The following TRRAP variants were observed in gnomAD, a reference collection of about 807,000 sequenced individuals.
The protein encoded by TRRAP is transformation/transcription domain associated protein, also known as transformation/transcription domain-associated protein.
Under a neutral mutation model 438.8 loss-of-function variants are expected in TRRAP, and 41 were observed. The ratio of observed to expected loss-of-function variants is 0.09; its 90% CI spans 0.07 to 0.12. The LOEUF is 0.12. Among genes scored for constraint, TRRAP ranks in the 10% least tolerant of loss-of-function variants. TRRAP has a pLI of 1.00. For synonymous variants in TRRAP, 1,994 were observed against 1,962.9 expected, an observed-to-expected ratio of 1.02 and a Z score of -0.42; for missense variants, 3,122 against 5,055.1, an observed-to-expected ratio of 0.62 and a Z score of 11.60.
chr7:98,910,298 AGAAAAG>A lies in TRRAP; in HGVS notation c.1596_1601del (p.Glu532_Lys533del). The A allele has an allele frequency of 6.2e-7, 1 of 1,606,860 alleles. No homozygotes were observed. The highest frequency in any genetic ancestry group is 8.5e-7 in the Non-Finnish European group (1 of 1,179,518). ...CCGTGCCTCCCTTCGAGAAGCAAGGAGAAAAGGACAAGGAAGACAAGCAGACATTCC... is the reference window on the plus strand; with the variant it reads ...CCGTGCCTCCCTTCGAGAAGCAAGGAGACAAGGAAGACAAGCAGACATTCC... On this transcript the variant is annotated inframe_deletion, in exon 15 of 73. Coordinates refer to ENST00000456197, the MANE Select transcript of TRRAP (RefSeq NM_001375524.1).
At chr7:98,953,524 G>A in intron 40 of TRRAP, 91 bp downstream of exon 40, 1 of 1,536,464 alleles carries the variant, frequency 6.5e-7, no homozygotes, top group Non-Finnish European at 8.7e-7. Context: ...CTCTCCTGTT[G>A]TCTTCTCCCA....
intron 18 of TRRAP, 24 bp downstream of exon 18, chr7:98,912,237 G>C: frequency 4.4e-6 from 7 of 1,608,314 alleles, no homozygotes; most frequent in Non-Finnish European, 6.0e-6. Flanking sequence ...AATCTAAGTA[G>C]TGCTTCTGTT....
chr7:98,883,591 A>G (rs2116240586), intron 3 of TRRAP, among the ~76,000 whole-genome samples: 1 of 152,218 alleles, frequency 6.6e-6, no homozygotes, highest in Admixed American at 6.5e-5. Context: ...TTCAGCTCAC[A>G]GCATCCTCAA....
rs1194220229 is a variant in TRRAP at position 98,943,074 on chromosome 7, A to G, written c.4473+57A>G. ...CCAGCCGCCATGCTGGGTCAGTGCT[A>G]ATGCCGGGACAGTGCTTTCATTAAA... On this transcript the variant is annotated intron_variant, in intron 31 of 72. Coordinates refer to ENST00000456197, the MANE Select transcript of TRRAP (RefSeq NM_001375524.1). 32 of 1,586,512 alleles carry G rather than the reference A, an allele frequency of 2.0e-5. No individual in the cohort carries two copies. In the Middle Eastern group the frequency reaches 5.1e-4, roughly 25 times the overall value.
At chr7:98,900,061 G>T (rs1439802922) in intron 10 of TRRAP, among the ~76,000 whole-genome samples, 1 of 152,106 alleles carries the variant, frequency 6.6e-6, no homozygotes, top group Non-Finnish European at 1.5e-5. Context: ...TCACCTTCAA[G>T]ACTTTGTTCT....
At chr7:98,885,815 A>T (rs1207263876) in intron 3 of TRRAP, among the ~76,000 whole-genome samples, 3 of 152,246 alleles carry the variant, frequency 2.0e-5, no homozygotes, top group African/African-American at 7.2e-5. Flanking sequence ...AACCTGCAGG[A>T]ACAAGCCAGT....
Position 98,992,247 on chromosome 7 carries a change from G to T in TRRAP, c.9847+20G>T, listed in dbSNP as rs376505573. The T allele has an allele frequency of 3.1e-5, 50 of 1,612,932 alleles. No individual in the cohort carries two copies. In the African/African-American group the frequency reaches 5.5e-4, roughly 18 times the overall value. ...AGAGCGGTACGTCTCGGGTGGGGCCGGTAGGCCAGGCCGGGAAGGGCTCAT... is the reference window on the plus strand; with the variant it reads ...AGAGCGGTACGTCTCGGGTGGGGCCTGTAGGCCAGGCCGGGAAGGGCTCAT... On this transcript the variant is annotated intron_variant, in intron 65 of 72. Transcript: ENST00000456197.
intron 31 of TRRAP, among the ~76,000 whole-genome samples, 171 bp downstream of exon 31, chr7:98,943,188 C>T (rs1445679882): frequency 1.3e-5 from 2 of 152,214 alleles, no homozygotes; most frequent in African/African-American, 4.8e-5. Flanking sequence ...CCTATCTTTT[C>T]TCTTAATTGC....
chr7:99,003,352 T>C (rs1390743515), intron 67 of TRRAP, among the ~76,000 whole-genome samples: 1 of 152,264 alleles, frequency 6.6e-6, no homozygotes, highest in Non-Finnish European at 1.5e-5. Flanking sequence ...TTCTCATGGC[T>C]CATTTAGGAT....
At chr7:98,984,424 T>C (rs1793063757) in intron 61 of TRRAP, 66 bp downstream of exon 61, 5 of 1,474,040 alleles carry the variant, frequency 3.4e-6, no homozygotes, top group Non-Finnish European at 4.5e-6. Flanking sequence ...AATGAGGCAA[T>C]GTGGGGTCTC....
intron 53 of TRRAP, among the ~76,000 whole-genome samples, chr7:98,972,734 G>A (rs1026221430): frequency 6.6e-6 from 1 of 152,174 alleles, no homozygotes; most frequent in Non-Finnish European, 1.5e-5. Flanking sequence ...TGATTATTCT[G>A]TTCATATCAG....
rs1194181069 is a variant in TRRAP, at chr7:98,948,618, C to T, written c.4721C>T (p.Ser1574Leu). Residue 1574 changes from serine to leucine, a missense_variant, in exon 35 of 73, where the codon TCG (serine) becomes TTG (leucine). By Grantham distance (145) the Ser-to-Leu change is moderately radical. This residue lies in a region of TRRAP where 108 missense variants were observed against 256.9 expected (regional missense o/e 0.42). Coordinates refer to ENST00000456197, the MANE Select transcript of TRRAP (RefSeq NM_001375524.1). The surrounding 1 kb of genome is among the most constrained non-coding windows in gnomAD (Gnocchi z 4.9). ...PLIKFLTRHP[S>L]QTVELFMMEA... ...ATCAAGTTCCTGACTCGACATCCCTCGCAGACAGTGGAGCTGTTCATGATG... is the reference window on the plus strand; with the variant it reads ...ATCAAGTTCCTGACTCGACATCCCTTGCAGACAGTGGAGCTGTTCATGATG... 3.1e-6 allele frequency: 5 copies of T among 1,614,082 alleles called. No individual in the cohort carries two copies. Among genetic ancestry groups the T allele is most frequent in the African/African-American group, 1.3e-5 (1 of 74,926 alleles).
chr7:98,964,551 T>A (rs1319278997), intron 47 of TRRAP, 78 bp from the exon 48 acceptor site: 1 of 1,523,456 alleles, frequency 6.6e-7, no homozygotes, highest in African/African-American at 1.4e-5. Flanking sequence ...TACATTGTTT[T>A]GAATAATGTG....
At chr7:98,916,565 A>G (rs1328670212) in intron 19 of TRRAP, among the ~76,000 whole-genome samples, 1 of 152,174 alleles carries the variant, frequency 6.6e-6, no homozygotes, top group Non-Finnish European at 1.5e-5. Flanking sequence ...GGCAGCAGGG[A>G]CATCCTTTAC....
At chr7:98,896,899 C>T (rs541052500) in intron 7 of TRRAP, among the ~76,000 whole-genome samples, 2 of 151,960 alleles carry the variant, frequency 1.3e-5, no homozygotes, top group African/African-American at 2.4e-5. Flanking sequence ...CCCAAATCCA[C>T]TGAGAGCGAA....
chr7:98,959,289 T>TGACTGTAAAC, intron 44 of TRRAP, 55 bp from the exon 45 acceptor site: 1 of 1,596,048 alleles, frequency 6.3e-7, no homozygotes, highest in South Asian at 1.1e-5. Flanking sequence ...GTCACTGGAA[T>TGACTGTAAAC]GACTGTAAAC....
rs112948928 is a variant in TRRAP, at chr7:98,937,664, T to A, written c.4248T>A (p.Ala1416=). 6.2e-7 allele frequency: 1 copy of A among 1,607,720 alleles called. No individual in the cohort carries two copies. The highest frequency in any genetic ancestry group is 8.5e-7 in the Non-Finnish European group (1 of 1,178,032). The change falls in exon 30 of 73, where the codon GCT becomes GCA. Residue 1416 remains alanine (A), a synonymous_variant. Transcript: ENST00000456197. ...EACMRKFLEG[A]TIEVDQIHTH... Reference sequence around the variant, plus strand: ...TTTTTTAATAGTTTTTAGAAGGTGCTACCATAGAAGTCGATCAAATCCACA... The same window carrying A: ...TTTTTTAATAGTTTTTAGAAGGTGCAACCATAGAAGTCGATCAAATCCACA...
At chr7:98,942,773 A>C (rs1790855557) in intron 30 of TRRAP, among the ~76,000 whole-genome samples, 176 bp from the exon 31 acceptor site, 1 of 152,200 alleles carries the variant, frequency 6.6e-6, no homozygotes, top group Admixed American at 6.5e-5. Context: ...TTTTATTTTG[A>C]AACATGAACA....
rs782111814 is a variant in TRRAP, at chr7:98,892,518, G to A, written c.356G>A (p.Arg119His). The change falls in exon 5 of 73, where the codon CGC becomes CAC. Residue 119 changes from arginine (R) to histidine (H), a missense_variant. Physicochemically the swap from Arg to His is conservative, Grantham distance 29. This residue lies in a region of TRRAP where 343 missense variants were observed against 564.0 expected (regional missense o/e 0.61). Coordinates refer to ENST00000456197, the MANE Select transcript of TRRAP (RefSeq NM_001375524.1). ...AAAAATGTTTTGTCTGTGATGTTTCGCTTTTTAGAGGTAAGTTTTGAGAAT... is the reference window on the plus strand; with the variant it reads ...AAAAATGTTTTGTCTGTGATGTTTCACTTTTTAGAGGTAAGTTTTGAGAAT... ...HTKNVLSVMF[R>H]FLETENEENV... The A allele has an allele frequency of 9.3e-6, 15 of 1,608,988 alleles. No homozygotes were observed. The highest frequency in any genetic ancestry group is 1.7e-5 in the Admixed American group (1 of 58,494).
Sources: allele counts gnomAD v4.1 joint callset (sites outside exome capture counted in the v4.1 genomes callset), GRCh38; gene constraint gnomAD v4.1.1; regional missense constraint gnomAD v4.1.1; non-coding constraint Gnocchi (gnomAD v3.1); transcripts MANE v1.5; gene names NCBI Gene and HGNC (gene_info 2026-07-23, HGNC 2026-07-21).